TMPRSS15: variants seen among roughly 807,000 people sequenced by gnomAD.
The protein encoded by TMPRSS15 is transmembrane serine protease 15, also known as enteropeptidase.
In TMPRSS15, 128 loss-of-function variants were observed where a neutral mutation model predicts 125.3. That is an observed-to-expected ratio of 1.02 (90% CI 0.89 to 1.18). TMPRSS15 has a LOEUF of 1.18. Ranked by LOEUF, TMPRSS15 falls within the 50% of genes most tolerant of loss-of-function variation. The pLI, the probability that TMPRSS15 is intolerant of heterozygous loss-of-function variation, is 0.00. For synonymous variants in TMPRSS15, 446 were observed against 423.2 expected (o/e 1.05, Z -0.66); for missense variants, 1,283 against 1,212.7 (o/e 1.06, Z -0.86).
intron 3 of TMPRSS15, among the ~76,000 whole-genome samples, chr21:18,393,937 A>G (rs2076011258): frequency 6.6e-6 from 1 of 152,186 alleles, no homozygotes. Flanking sequence ...TTCTCTTAAT[A>G]TCTGTATTCT....
At chr21:18,307,294 A>T (rs564092187) in intron 18 of TMPRSS15, among the ~76,000 whole-genome samples, 130 of 152,286 alleles carry the variant, frequency 8.5e-4, no homozygotes, top group African/African-American at 3.0e-3. Flanking sequence ...AGGCAGTGGG[A>T]TGTACTACTT....
At chr21:18,449,263 T>A (rs549351204) in intron 1 of TMPRSS15, among the ~76,000 whole-genome samples, 1 of 152,150 alleles carries the variant, frequency 6.6e-6, no homozygotes, top group Admixed American at 6.6e-5. Flanking sequence ...AAAACCCACC[T>A]TGCACATATT....
At chr21:18,389,152 A>T (rs1286814625) in intron 3 of TMPRSS15, among the ~76,000 whole-genome samples, 2 of 150,902 alleles carry the variant, frequency 1.3e-5, no homozygotes, top group Non-Finnish European at 3.0e-5. Context: ...AAAGAAAGAC[A>T]AGAGAAAGAA....
chr21:18,327,046 AC>A (rs948090987), intron 15 of TMPRSS15, among the ~76,000 whole-genome samples: 7 of 152,196 alleles, frequency 4.6e-5, no homozygotes, highest in African/African-American at 1.7e-4. Flanking sequence ...TGGCTTTTAA[AC>A]CTTTTGCCCT....
Position 18,302,218 on chromosome 21 carries a change from G to A in TMPRSS15, c.2166-4389C>T, listed in dbSNP as rs1256913903. Among the ~76,000 whole-genome samples, 13 of 152,204 alleles carry A rather than the reference G, an allele frequency of 8.5e-5. 1 individual carries two copies. Among genetic ancestry groups the A allele is most frequent in the Admixed American group, 8.5e-4 (13 of 15,280 alleles). ...CCCCAAAAGGTTTAAGTAATGAATAGAGCCAGGTGGGATTAGCCCGAAAAG... is the reference window on the plus strand; with the variant it reads ...CCCCAAAAGGTTTAAGTAATGAATAAAGCCAGGTGGGATTAGCCCGAAAAG... On this transcript the variant is annotated intron_variant, in intron 18 of 24. Coordinates refer to ENST00000284885, the MANE Select transcript of TMPRSS15 (RefSeq NM_002772.3).
At chr21:18,379,602 G>A (rs1181341875) in intron 4 of TMPRSS15, among the ~76,000 whole-genome samples, 1 of 151,988 alleles carries the variant, frequency 6.6e-6, no homozygotes, top group Non-Finnish European at 1.5e-5. Context: ...ATAACTAAAT[G>A]CGAGGATTCA....
intron 3 of TMPRSS15, among the ~76,000 whole-genome samples, chr21:18,387,191 GT>G (rs2075951234): frequency 6.6e-6 from 1 of 152,036 alleles, no homozygotes; most frequent in African/African-American, 2.4e-5. Flanking sequence ...CTGTTTAGTT[GT>G]TTAGTAATGA....
intron 5 of TMPRSS15, among the ~76,000 whole-genome samples, chr21:18,374,449 C>T (rs950899379): frequency 3.1e-5 from 4 of 130,380 alleles, no homozygotes; most frequent in Non-Finnish European, 6.3e-5. Flanking sequence ...GTCCGCAGTC[C>T]GGCCTGGGCG....
chr21:18,326,239 C>T (rs1476594772), intron 16 of TMPRSS15, among the ~76,000 whole-genome samples, 193 bp downstream of exon 16: 1 of 152,144 alleles, frequency 6.6e-6, no homozygotes, highest in Non-Finnish European at 1.5e-5. Flanking sequence ...ACTTTTGTGG[C>T]TGCCTACTTT....
chr21:18,471,842 A>T (rs1469238501), intron 1 of TMPRSS15, among the ~76,000 whole-genome samples: 1 of 48,158 alleles, frequency 2.1e-5, no homozygotes, highest in African/African-American at 4.8e-5. Context: ...AGATGAGGGC[A>T]AAAAAAAGGC....
rs77304219 is a variant in TMPRSS15 at position 18,420,132 on chromosome 21, T to C, written c.11-21803A>G. On this transcript the variant is annotated intron_variant, in intron 1 of 7. Transcript: ENST00000422787. ...CAGCACTAGACTAGACATGAAAAAT[T>C]TGAAGTTTTCTTCACATTTTTCTAA... Among the ~76,000 whole-genome samples the C allele has an allele frequency of 2.4e-3, 364 of 152,302 alleles. 4 individuals are homozygous for C. The highest frequency in any genetic ancestry group is 0.023 in the East Asian group (121 of 5,180).
At chr21:18,430,454 A>C (rs1321035821) in intron 1 of TMPRSS15, among the ~76,000 whole-genome samples, 2 of 151,962 alleles carry the variant, frequency 1.3e-5, no homozygotes, top group African/African-American at 4.8e-5. Context: ...ATGAAGCTTC[A>C]ATTCTATGGG....
chr21:18,370,525 C>T (rs1260373853), intron 6 of TMPRSS15, among the ~76,000 whole-genome samples: 1 of 152,056 alleles, frequency 6.6e-6, no homozygotes, highest in African/African-American at 2.4e-5. Flanking sequence ...TCATATTCTC[C>T]CTGAAAAGAT....
In TMPRSS15 at chr21:18,461,966, G is replaced by C. The variant is rs2122910678; in HGVS notation, c.10+23833C>G. On this transcript the variant is annotated intron_variant, in intron 1 of 7. Transcript: ENST00000422787. ...CATATATTAAATTTTTTAAAGTTAA[G>C]TTTTTCATCACTTGTGAGACTAATT... Among the ~76,000 whole-genome samples, 895 of 152,082 alleles carry C rather than the reference G, an allele frequency of 5.9e-3. 4 individuals carry two copies. Among genetic ancestry groups the C allele is most frequent in the Non-Finnish European group, 8.9e-3 (606 of 67,954 alleles).
At chr21:18,437,786 A>C (rs887083712) in intron 1 of TMPRSS15, among the ~76,000 whole-genome samples, 29 of 152,228 alleles carry the variant, frequency 1.9e-4, no homozygotes, top group Non-Finnish European at 3.7e-4. Context: ...ATACCATCTC[A>C]CACCAGTTAG....
chr21:18,434,541 T>C (rs1601461419), intron 1 of TMPRSS15, among the ~76,000 whole-genome samples: 1 of 152,100 alleles, frequency 6.6e-6, no homozygotes. Context: ...AAAATATCTA[T>C]GTAAACAGTC....
chr21:18,285,224 T>TA (rs2074748672), intron 21 of TMPRSS15, among the ~76,000 whole-genome samples: 1 of 152,094 alleles, frequency 6.6e-6, no homozygotes, highest in Non-Finnish European at 1.5e-5. Context: ...CAGCACCAGA[T>TA]AAGATGAACT....
chr21:18,320,890 T>C (rs2075226326), intron 16 of TMPRSS15, among the ~76,000 whole-genome samples: 1 of 152,192 alleles, frequency 6.6e-6, no homozygotes, highest in African/African-American at 2.4e-5. Context: ...ATGCCCATGG[T>C]GAGAGAAAGA....
At chr21:18,392,404 T>C (rs1289156607) in intron 3 of TMPRSS15, among the ~76,000 whole-genome samples, 1 of 152,208 alleles carries the variant, frequency 6.6e-6, no homozygotes, top group Non-Finnish European at 1.5e-5. Context: ...AATCTCTTTG[T>C]TAAAGGATAG....
Sources: allele counts gnomAD v4.1 joint callset (sites outside exome capture counted in the v4.1 genomes callset), GRCh38; gene constraint gnomAD v4.1.1; transcripts MANE v1.5; gene names NCBI Gene and HGNC (gene_info 2026-07-23, HGNC 2026-07-21).